Variants in NRG4 observed in about 807,000 individuals in gnomAD.
The protein encoded by NRG4 is pro-neuregulin-4, membrane-bound isoform.
NRG4 carries 10 observed loss-of-function variants against 15.0 expected under a neutral mutation model. The observed-to-expected ratio is 0.67, with a 90% CI of 0.41 to 1.13. The LOEUF is 1.13. NRG4 is among the 50% of genes most tolerant of loss of function. The pLI is 0.00. For missense variants in NRG4, 139 were observed against 140.2 expected (o/e 0.99, Z 0.04); for synonymous variants, 41 against 50.1 (o/e 0.82, Z 0.77).
chr15:76,048,471 CAAAAA>C (rs35429006), intron 4 of NRG4, among the ~76,000 whole-genome samples: 1 of 74,008 alleles, frequency 1.4e-5, no homozygotes. Context: ...GACTCTGACT[CAAAAA>C]AAAAAAAAAA....
At chr15:76,032,063 CTAA>C (rs1243988446) in intron 5 of NRG4, among the ~76,000 whole-genome samples, 3 of 152,050 alleles carry the variant, frequency 2.0e-5, no homozygotes, top group Non-Finnish European at 4.4e-5. Context: ...AGCCACCATG[CTAA>C]TAATACATTC....
At chr15:76,040,253 G>A (rs1214895964) in intron 4 of NRG4, among the ~76,000 whole-genome samples, 1 of 152,184 alleles carries the variant, frequency 6.6e-6, no homozygotes, top group Non-Finnish European at 1.5e-5. Context: ...GGGCAGGAGA[G>A]AGTGGCATGA....
intron 3 of NRG4, among the ~76,000 whole-genome samples, chr15:75,986,315 C>A (rs1248243500): frequency 6.6e-6 from 1 of 152,116 alleles, no homozygotes; most frequent in Non-Finnish European, 1.5e-5. Context: ...TACCCTTTGA[C>A]CCAGCCAAAT....
intron 4 of NRG4, among the ~76,000 whole-genome samples, chr15:76,050,765 C>G (rs988140313): frequency 3.4e-5 from 5 of 147,544 alleles, no homozygotes; most frequent in African/African-American, 1.3e-4. Context: ...TTTCTAAGCT[C>G]AGCAACTTGG....
chr15:75,939,196 A>G (rs1483987967), downstream of NRG4: 1 of 152,080 alleles, frequency 6.6e-6, no homozygotes, highest in Non-Finnish European at 1.5e-5. Flanking sequence ...TGGAAAGCCT[A>G]TGCGTAGATA....
intron 3 of NRG4, among the ~76,000 whole-genome samples, chr15:76,000,898 A>T (rs937170259): frequency 5.3e-5 from 8 of 152,222 alleles, no homozygotes; most frequent in African/African-American, 1.9e-4. Flanking sequence ...TATCCAGGAT[A>T]TATTGTTAAG....
At chr15:76,051,773 A>G (rs28564573) in intron 4 of NRG4, among the ~76,000 whole-genome samples, 70,798 of 148,654 alleles carry the variant, frequency 0.48, 18,542 homozygotes, top group South Asian at 0.71. Context: ...GGGTTTCACC[A>G]TGTTAGCCAG....
intron 3 of NRG4, among the ~76,000 whole-genome samples, chr15:75,990,701 G>A: frequency 7.9e-6 from 1 of 127,332 alleles, no homozygotes; most frequent in East Asian, 2.3e-4. Flanking sequence ...TTTTTTTTGA[G>A]ACAGGGTCTA....
chr15:75,954,289 A>T (rs1287021017), intron 5 of NRG4, among the ~76,000 whole-genome samples: 2 of 148,558 alleles, frequency 1.3e-5, no homozygotes, highest in Admixed American at 6.7e-5. Flanking sequence ...GATCTCAGAC[A>T]CTAGTTTTCA....
intron 5 of NRG4, among the ~76,000 whole-genome samples, chr15:76,018,057 C>T (rs1367422063): frequency 6.6e-6 from 1 of 152,140 alleles, no homozygotes; most frequent in Non-Finnish European, 1.5e-5. Flanking sequence ...CTTGTCTTCA[C>T]ACTTTATTTC....
intron 5 of NRG4, among the ~76,000 whole-genome samples, chr15:76,024,901 A>AC (rs746212310): frequency 8.5e-5 from 13 of 152,324 alleles, no homozygotes; most frequent in East Asian, 5.8e-4. Context: ...TATGAAGCCT[A>AC]CTTCAGAAAA....
At chr15:76,036,041 T>C (rs1450069886) in intron 4 of NRG4, 1 of 152,212 alleles carries the variant, frequency 6.6e-6, no homozygotes, top group Non-Finnish European at 1.5e-5. Context: ...TATGTAACAG[T>C]TTTATCTCCT....
At chr15:76,051,608 G>C (rs1482868768) in intron 4 of NRG4, among the ~76,000 whole-genome samples, 2 of 147,538 alleles carry the variant, frequency 1.4e-5, no homozygotes, top group Non-Finnish European at 3.0e-5. Context: ...CTGTCGCCCA[G>C]GCTGGAGTGC....
At position 76,019,983 on chromosome 15, in the gene NRG4, A is replaced by G. The variant is rs565210096; in HGVS notation, c.-56-8697T>C. 4.3e-4 allele frequency among the ~76,000 whole-genome samples: 66 copies of G among 152,182 alleles called. 1 individual carries two copies. The South Asian group carries it at 0.013, about 31-fold the overall frequency. On this transcript the variant is annotated intron_variant, in intron 5 of 8. Coordinates refer to the NRG4 transcript ENST00000563910. Reference sequence around the variant, plus strand: ...TTTTCCAACAGCCTGTGCTCACTTCACGTTTCTGTGTCACATTTTGGTAAT... The same window carrying G: ...TTTTCCAACAGCCTGTGCTCACTTCGCGTTTCTGTGTCACATTTTGGTAAT...
At chr15:75,979,478 G>T (rs1208093325) in intron 3 of NRG4, among the ~76,000 whole-genome samples, 1 of 151,986 alleles carries the variant, frequency 6.6e-6, no homozygotes, top group Non-Finnish European at 1.5e-5. Flanking sequence ...TTTTATCTTG[G>T]TGCCCCCTTT....
At chr15:76,038,336 G>C (rs1009987025) in intron 4 of NRG4, among the ~76,000 whole-genome samples, 1 of 152,234 alleles carries the variant, frequency 6.6e-6, no homozygotes, top group Non-Finnish European at 1.5e-5. Flanking sequence ...GCCTTGGCTC[G>C]TGGATGGCAT....
chr15:75,978,610 G>C (rs1356330510), intron 3 of NRG4, among the ~76,000 whole-genome samples: 2 of 152,120 alleles, frequency 1.3e-5, no homozygotes, highest in African/African-American at 4.8e-5. Flanking sequence ...GGGTTTAGAG[G>C]AACCTCCATA....
chr15:75,969,716 G>A (rs550579460), intron 3 of NRG4, among the ~76,000 whole-genome samples: 5 of 152,254 alleles, frequency 3.3e-5, no homozygotes, highest in South Asian at 2.1e-4. Context: ...TTAAAGTTTC[G>A]TTCTAAGCAT....
At chr15:75,951,359 G>A (rs2031894253) in intron 5 of NRG4, among the ~76,000 whole-genome samples, 1 of 151,620 alleles carries the variant, frequency 6.6e-6, no homozygotes, top group African/African-American at 2.4e-5. Flanking sequence ...GTAGAGACAG[G>A]GTTTCACCAT....
Sources: allele counts gnomAD v4.1 joint callset (sites outside exome capture counted in the v4.1 genomes callset), GRCh38; gene constraint gnomAD v4.1.1; transcripts MANE v1.5; gene names NCBI Gene and HGNC (gene_info 2026-07-23, HGNC 2026-07-21).